The following PCDHGB4 variants were observed in gnomAD, a reference collection of about 807,000 sequenced individuals.
PCDHGB4 encodes protocadherin gamma-B4.
In PCDHGB4, 38 loss-of-function variants were observed where a neutral mutation model predicts 60.5. The observed-to-expected ratio is 0.63, with a 90% CI of 0.48 to 0.82. PCDHGB4 has a LOEUF of 0.82. PCDHGB4 is among the 40% of genes least tolerant of loss of function. The pLI is 0.00. For missense variants in PCDHGB4, 1,109 were observed against 1,209.6 expected, an observed-to-expected ratio of 0.92 and a Z score of 1.23; for synonymous variants, 456 against 509.7, an observed-to-expected ratio of 0.89 and a Z score of 1.42.
Position 141,389,544 on chromosome 5 carries a change from A to G in PCDHGB4, c.1660A>G (p.Asn554Asp), listed in dbSNP as rs759523366. 2 of 1,613,260 alleles carry G rather than the reference A, an allele frequency of 1.2e-6. No homozygotes were observed. Among genetic ancestry groups the G allele is most frequent in the Non-Finnish European group, 1.7e-6 (2 of 1,179,752 alleles). ...VSLRVLVDDR[N>D]DNAPRVLYPA... is the part of the protein sequence containing the mutation. Reference sequence around the variant, plus strand: ...CCTGCGCGTGTTAGTGGACGACCGCAACGACAATGCGCCACGGGTGCTGTA... The same window carrying G: ...CCTGCGCGTGTTAGTGGACGACCGCGACGACAATGCGCCACGGGTGCTGTA... Residue 554 changes from asparagine to aspartate, a missense_variant, in exon 1 of 4, where the codon AAC becomes GAC. Physicochemically the swap from Asn to Asp is conservative, Grantham distance 23 (BLOSUM62 1). This residue lies in a region of PCDHGB4 where 1,068 missense variants were observed against 1,089.9 expected (regional missense o/e 0.98). Coordinates refer to ENST00000519479, the MANE Select transcript of PCDHGB4 (RefSeq NM_003736.4).
chr5:141,395,343 G>T (rs903122712), intron 1 of PCDHGB4: 1 of 1,396,676 alleles, frequency 7.2e-7, no homozygotes, highest in Non-Finnish European at 9.5e-7. Flanking sequence ...TTTTTAAGGT[G>T]TATCACAGAG....
In PCDHGB4 at chr5:141,490,052, A is replaced by G. The variant is rs774710472; in HGVS notation, c.2398-4755A>G. 11 of 1,614,098 alleles carry G rather than the reference A, an allele frequency of 6.8e-6. No homozygotes were observed. The highest frequency in any genetic ancestry group is 9.3e-6 in the Non-Finnish European group (11 of 1,180,014). On this transcript the variant is annotated intron_variant, in intron 1 of 3. Transcript: ENST00000519479. The surrounding 1 kb of genome is among the most constrained non-coding windows in gnomAD (Gnocchi z 5.4). ...CGCCTCAATGCCACTGATCCAGACG[A>G]GGGCACCAACGGCCAACTAGACTAT... is the stretch of plus-strand genomic sequence containing the variant.
In PCDHGB4 at chr5:141,397,217, T is replaced by C. The variant is rs534809290; in HGVS notation, c.2397+6936T>C. On this transcript the variant is annotated intron_variant, in intron 1 of 3. Transcript: ENST00000519479. The stretch of plus-strand genomic sequence containing the variant: ...AAAGATATGACATAAGAGAAGTATT[T>C]TGAGATATGAAGAAGAGCAACGTAG... Among the ~76,000 whole-genome samples, 15 of 152,296 alleles carry C rather than the reference T, an allele frequency of 9.8e-5. No individual in the cohort carries two copies. In the East Asian group the frequency reaches 2.5e-3, roughly 25 times the overall value.
intron 1 of PCDHGB4, chr5:141,427,957 C>T: frequency 2.5e-6 from 4 of 1,588,402 alleles, no homozygotes; most frequent in South Asian, 1.1e-5. Context: ...GACAATGTGC[C>T]GCGGGTGCTG....
At position 141,485,656 on chromosome 5, in the gene PCDHGB4, T is replaced by C. The variant is rs147216126; in HGVS notation, c.2398-9151T>C. On this transcript the variant is annotated intron_variant, in intron 1 of 3. Coordinates refer to ENST00000519479, the MANE Select transcript of PCDHGB4 (RefSeq NM_003736.4). This position sits in a 1 kb window ranked among gnomAD's most constrained non-coding sequence, Gnocchi z 5.7. ...CGTTGGAAAAGGCTCAGGATGCAGA[T>C]GTGGGGAGCAATTCGATTAGCAGCT... 23 of 1,612,648 alleles carry C rather than the reference T, an allele frequency of 1.4e-5. No homozygotes were observed. The African/African-American group carries it at 2.8e-4, about 20-fold the overall frequency.
At chr5:141,403,704 T>C (rs1207597755) in intron 1 of PCDHGB4, 2 of 1,613,846 alleles carry the variant, frequency 1.2e-6, no homozygotes, top group East Asian at 4.5e-5. Context: ...CGAGTTAAAG[T>C]CCTTGAGAAC....
At position 141,511,241 on chromosome 5, in the gene PCDHGB4, C is replaced by T; in HGVS notation, c.*68C>T. On this transcript the variant is annotated 3_prime_UTR_variant, in exon 4 of 4. Transcript: ENST00000519479. ...CCAGCCCAGCTTCTCCTTACCTGCA[C>T]CCAGGCCTCAGAGTTTCAGGGCTAA... The T allele has an allele frequency of 2.5e-6, 4 of 1,585,214 alleles. No individual in the cohort carries two copies. Among genetic ancestry groups the T allele is most frequent in the Non-Finnish European group, 3.4e-6 (4 of 1,165,762 alleles).
chr5:141,388,432 A>C lies in PCDHGB4; in HGVS notation c.548A>C (p.Lys183Thr), dbSNP rs760022375. ...SPSDHFSLIN[K>T]EKSDGSKYPE... is the part of the protein sequence containing the mutation. ...AGTGATCATTTCTCACTGATAAATA[A>C]AGAGAAATCAGATGGCAGTAAATAC... The change falls in exon 1 of 4, where the codon AAA becomes ACA. Residue 183 changes from lysine to threonine, a missense_variant. Around this residue, in one of 2 missense-constraint regions of PCDHGB4, gnomAD observed 1,068 missense variants for 1,089.9 expected, o/e 0.98. Coordinates refer to ENST00000519479, the MANE Select transcript of PCDHGB4 (RefSeq NM_003736.4). The C allele has an allele frequency of 6.2e-7, 1 of 1,613,760 alleles. No homozygotes were observed. Among genetic ancestry groups the C allele is most frequent in the South Asian group, 1.1e-5 (1 of 91,086 alleles).
At chr5:141,507,531 C>T (rs1467914007) in intron 3 of PCDHGB4, among the ~76,000 whole-genome samples, 3 of 151,964 alleles carry the variant, frequency 2.0e-5, no homozygotes, top group African/African-American at 7.2e-5. Flanking sequence ...CCAGAGAGGC[C>T]AGAGACTGAG....
chr5:141,439,830 C>T (rs2098134193), intron 1 of PCDHGB4: 1 of 152,352 alleles, frequency 6.6e-6, no homozygotes, highest in South Asian at 2.1e-4. Context: ...GCTGGAGCAG[C>T]AGCAACTCTA....
chr5:141,455,006 G>A (rs1194194759), intron 1 of PCDHGB4, among the ~76,000 whole-genome samples: 2 of 150,910 alleles, frequency 1.3e-5, no homozygotes, highest in Non-Finnish European at 3.0e-5. Flanking sequence ...TAGAGACGGG[G>A]TTTCACCGTG....
At chr5:141,403,144 C>A in intron 1 of PCDHGB4, 10 of 1,614,042 alleles carry the variant, frequency 6.2e-6, no homozygotes, top group Non-Finnish European at 8.5e-6. Flanking sequence ...AGCGCCGAGT[C>A]CGCATCGTCT....
chr5:141,426,317 C>A, intron 1 of PCDHGB4: 1 of 173,952 alleles, frequency 5.7e-6, no homozygotes, highest in African/African-American at 2.4e-5. Flanking sequence ...AGAAGCAGGA[C>A]CCGGCAGTGG....
chr5:141,478,711 T>A, intron 1 of PCDHGB4: 1 of 1,547,346 alleles, frequency 6.5e-7, no homozygotes, highest in Non-Finnish European at 8.7e-7. Flanking sequence ...CTTTGTGAGA[T>A]GGTGGCCTGC....
intron 1 of PCDHGB4, chr5:141,419,581 C>T: frequency 6.2e-7 from 1 of 1,611,888 alleles, no homozygotes; most frequent in South Asian, 1.1e-5. Context: ...GCTCCGCGCT[C>T]TTCGACACAG....
At chr5:141,413,089 C>A in intron 1 of PCDHGB4, 1 of 1,401,120 alleles carries the variant, frequency 7.1e-7, no homozygotes, top group Non-Finnish European at 9.7e-7. Context: ...TACAGAGACA[C>A]CCTGAAGCCA....
At chr5:141,423,694 T>A in intron 1 of PCDHGB4, 1 of 1,501,554 alleles carries the variant, frequency 6.7e-7, no homozygotes, top group Non-Finnish European at 8.9e-7. Context: ...TAATTGTTGG[T>A]GTCTTGGCAC....
chr5:141,471,631 G>A (rs573080972), intron 1 of PCDHGB4: 7 of 152,188 alleles, frequency 4.6e-5, no homozygotes, highest in African/African-American at 9.6e-5. Flanking sequence ...CATTGGTATG[G>A]ATTAGTAATA....
chr5:141,485,762 G>A lies in PCDHGB4; in HGVS notation c.2398-9045G>A, dbSNP rs774145313. 3.1e-6 allele frequency: 5 copies of A among 1,614,226 alleles called. No homozygotes were observed. The highest frequency in any genetic ancestry group is 3.3e-5 in the Admixed American group (2 of 60,030). ...CAGCCTGGTCCCAGAGCTGCTCCTG[G>A]AGAAGCCTTTGGATCGAGAGAAGCA... On this transcript the variant is annotated intron_variant, in intron 1 of 3. Transcript: ENST00000519479. The surrounding 1 kb of genome is among the most constrained non-coding windows in gnomAD (Gnocchi z 5.7).
Sources: gnomAD v4.1 joint callset for allele counts (sites outside exome capture counted in the v4.1 genomes callset) on GRCh38, gnomAD v4.1.1 for gene constraint, gnomAD v4.1.1 regional missense constraint, Gnocchi (gnomAD v3.1) non-coding constraint, MANE v1.5 for transcripts, NCBI Gene and HGNC (gene_info 2026-07-23, HGNC 2026-07-21) for gene names.